ANTXR1: variants seen among roughly 807,000 people sequenced by gnomAD.
ANTXR1 encodes anthrax toxin receptor 1.
A neutral mutation model predicts 78.1 loss-of-function variants in ANTXR1; 19 were observed. The ratio of observed to expected loss-of-function variants is 0.24; its 90% CI spans 0.17 to 0.36. The LOEUF (loss-of-function observed/expected upper bound fraction) is 0.36, where lower values mean the gene tolerates loss of function less well. ANTXR1 is among the 10% of genes least tolerant of loss of function. The probability of loss-of-function intolerance (pLI) is 1.00; values close to 1 mark genes in which losing one functional copy is unlikely to be tolerated. For synonymous variants in ANTXR1, 273 were observed against 260.5 expected (o/e 1.05, Z -0.46); for missense variants, 518 against 718.6 (o/e 0.72, Z 3.19).
At chr2:69,215,206 G>C (rs1675146372) in intron 17 of ANTXR1, among the ~76,000 whole-genome samples, 1 of 152,146 alleles carries the variant, frequency 6.6e-6, no homozygotes, top group South Asian at 2.1e-4. Context: ...TCACTGCACT[G>C]GAGGGGAAGC....
chr2:69,056,713 T>C (rs1035273716), intron 3 of ANTXR1, among the ~76,000 whole-genome samples: 1 of 152,190 alleles, frequency 6.6e-6, no homozygotes, highest in African/African-American at 2.4e-5. Flanking sequence ...TTTGCTCTGT[T>C]GCCCAGGCTG....
chr2:69,232,633 G>A (rs1448352310), intron 17 of ANTXR1, among the ~76,000 whole-genome samples: 2 of 152,054 alleles, frequency 1.3e-5, no homozygotes, highest in African/African-American at 4.8e-5. Context: ...ATAAAAACTT[G>A]TGGGATTTGG....
At chr2:69,223,695 TGAA>T (rs1160906148) in intron 17 of ANTXR1, among the ~76,000 whole-genome samples, 3 of 152,206 alleles carry the variant, frequency 2.0e-5, no homozygotes, top group Non-Finnish European at 2.9e-5. Context: ...TTGCTTAAAG[TGAA>T]GAAGGTTTTA....
chr2:69,117,052 A>T (rs956113702), intron 10 of ANTXR1, among the ~76,000 whole-genome samples: 1 of 152,174 alleles, frequency 6.6e-6, no homozygotes, highest in Non-Finnish European at 1.5e-5. Flanking sequence ...GCATGGCTTC[A>T]TTCTAGTTGG....
At chr2:69,106,023 A>G (rs1671797306) in intron 10 of ANTXR1, among the ~76,000 whole-genome samples, 1 of 152,242 alleles carries the variant, frequency 6.6e-6, no homozygotes, top group South Asian at 2.1e-4. Flanking sequence ...CTTAATTTAA[A>G]AGTTAGAGAT....
chr2:69,074,629 T>A (rs114068188), intron 6 of ANTXR1, among the ~76,000 whole-genome samples: 107 of 152,246 alleles, frequency 7.0e-4, no homozygotes, highest in African/African-American at 2.4e-3. Flanking sequence ...CTACAGTGAG[T>A]CTAAAAGTTT....
intron 13 of ANTXR1, among the ~76,000 whole-genome samples, chr2:69,164,955 A>C (rs1449332846): frequency 6.6e-6 from 1 of 152,250 alleles, no homozygotes; most frequent in Non-Finnish European, 1.5e-5. Context: ...ACTTGAAGCT[A>C]AACATAGCCC....
At chr2:69,125,901 C>T (rs1038793388) in intron 12 of ANTXR1, among the ~76,000 whole-genome samples, 4 of 152,016 alleles carry the variant, frequency 2.6e-5, no homozygotes, top group African/African-American at 9.7e-5. Context: ...TAACCTTTGT[C>T]GGCGTATTCA....
At chr2:69,045,718 T>G (rs1200896160) in intron 3 of ANTXR1, among the ~76,000 whole-genome samples, 1 of 152,186 alleles carries the variant, frequency 6.6e-6, no homozygotes, top group Non-Finnish European at 1.5e-5. Context: ...CCCTATTTTT[T>G]TTCCCATGAC....
chr2:69,215,755 G>A (rs981982778), intron 17 of ANTXR1, among the ~76,000 whole-genome samples: 1 of 152,138 alleles, frequency 6.6e-6, no homozygotes, highest in African/African-American at 2.4e-5. Flanking sequence ...ATGAACCTGG[G>A]CAAAAGGCCA....
chr2:69,178,188 T>C (rs1255049133), intron 14 of ANTXR1, among the ~76,000 whole-genome samples: 1 of 152,190 alleles, frequency 6.6e-6, no homozygotes, highest in African/African-American at 2.4e-5. Flanking sequence ...TTCTACTCCG[T>C]CCATTTTTGG....
At chr2:69,017,314 C>T (rs1457148210) in intron 1 of ANTXR1, among the ~76,000 whole-genome samples, 1 of 152,132 alleles carries the variant, frequency 6.6e-6, no homozygotes, top group African/African-American at 2.4e-5. Flanking sequence ...TGAAAAAATG[C>T]TGACTCATTT....
chr2:69,155,745 C>T (rs977312127), intron 13 of ANTXR1, among the ~76,000 whole-genome samples: 17 of 152,176 alleles, frequency 1.1e-4, no homozygotes, highest in African/African-American at 3.4e-4. Flanking sequence ...TCTCCCCTCA[C>T]CCCAGCCAAG....
At chr2:69,075,514 A>T in intron 6 of ANTXR1, 76 bp from the exon 7 acceptor site, 1 of 1,379,104 alleles carries the variant, frequency 7.3e-7, no homozygotes, top group Admixed American at 1.7e-5. Context: ...TCATCATTGA[A>T]GTTAGTCAGG....
intron 13 of ANTXR1, among the ~76,000 whole-genome samples, chr2:69,158,481 T>G (rs959364385): frequency 2.0e-5 from 3 of 152,244 alleles, no homozygotes; most frequent in African/African-American, 7.2e-5. Context: ...TTAGAGCATT[T>G]GCTCATTCTA....
Position 69,100,920 on chromosome 2 carries a change from C to T in ANTXR1, c.704-1922C>T, listed in dbSNP as rs575153522. The stretch of plus-strand genomic sequence containing the variant: ...CGTAGCAATTGTGCATTTGCATCAA[C>T]GTGTATGTATAAATCCTTCATAGTC... On this transcript the variant is annotated intron_variant, in intron 9 of 17. Transcript: ENST00000303714. Among the ~76,000 whole-genome samples, 14 of 152,272 alleles carry T rather than the reference C, an allele frequency of 9.2e-5. No individual in the cohort carries two copies. The South Asian group carries it at 2.3e-3, about 25-fold the overall frequency.
intron 10 of ANTXR1, among the ~76,000 whole-genome samples, chr2:69,105,685 C>T (rs1315525951): frequency 6.6e-6 from 1 of 152,172 alleles, no homozygotes; most frequent in Non-Finnish European, 1.5e-5. Flanking sequence ...TTTCCTTCCC[C>T]ACCTCTATAC....
At chr2:69,201,007 A>G (rs1233231767) in intron 17 of ANTXR1, among the ~76,000 whole-genome samples, 1 of 152,222 alleles carries the variant, frequency 6.6e-6, no homozygotes, top group Non-Finnish European at 1.5e-5. Context: ...TCCTTCATGC[A>G]TTCAACCCAT....
At chr2:69,119,396 C>T (rs1333763912) in intron 10 of ANTXR1, among the ~76,000 whole-genome samples, 1 of 152,232 alleles carries the variant, frequency 6.6e-6, no homozygotes, top group Non-Finnish European at 1.5e-5. Flanking sequence ...GGACAGGAAT[C>T]TGTACTCCCA....
Sources: allele counts gnomAD v4.1 joint callset (sites outside exome capture counted in the v4.1 genomes callset), GRCh38; gene constraint gnomAD v4.1.1; transcripts MANE v1.5; gene names NCBI Gene and HGNC (gene_info 2026-07-23, HGNC 2026-07-21).